The following NBEA variants were observed in gnomAD, a reference collection of about 807,000 sequenced individuals.
NBEA encodes neurobeachin.
Under a neutral mutation model 343.4 loss-of-function variants are expected in NBEA, and 44 were observed. The observed-to-expected ratio is 0.13, with a 90% CI of 0.10 to 0.16. The LOEUF is 0.16. Ranked by LOEUF, NBEA falls within the 10% of genes least tolerant of loss-of-function variation. The pLI is 1.00. For missense variants in NBEA, 2,555 were observed against 3,631.3 expected, an observed-to-expected ratio of 0.70 and a Z score of 7.62; for synonymous variants, 1,175 against 1,238.7, an observed-to-expected ratio of 0.95 and a Z score of 1.08.
chr13:35,451,259 G>A (rs2046297682), intron 39 of NBEA, among the ~76,000 whole-genome samples: 1 of 152,132 alleles, frequency 6.6e-6, no homozygotes, highest in African/African-American at 2.4e-5. Flanking sequence ...GGGTAGCTGG[G>A]ACCACAGGCT....
chr13:35,502,020 G>T (rs1239731175), intron 41 of NBEA, among the ~76,000 whole-genome samples: 1 of 152,060 alleles, frequency 6.6e-6, no homozygotes. Context: ...TAGTGCTAGG[G>T]ACTGAGCCAG....
chr13:35,200,354 T>C (rs1257534224), intron 31 of NBEA, among the ~76,000 whole-genome samples: 1 of 151,552 alleles, frequency 6.6e-6, no homozygotes, highest in East Asian at 1.9e-4. Context: ...TATATCTGCA[T>C]GCTTTTTATC....
intron 40 of NBEA, among the ~76,000 whole-genome samples, chr13:35,465,465 G>A (rs1166843754): frequency 6.6e-6 from 1 of 152,106 alleles, no homozygotes; most frequent in Non-Finnish European, 1.5e-5. Context: ...ACCTAGGGGT[G>A]CAAAGATTTA....
At chr13:35,620,286 G>A (rs896554775) in intron 48 of NBEA, among the ~76,000 whole-genome samples, 3 of 152,112 alleles carry the variant, frequency 2.0e-5, no homozygotes, top group Middle Eastern at 3.2e-3. Context: ...AAAGGAGACT[G>A]TGAGTACCTG....
chr13:35,497,476 A>G (rs758759849), intron 41 of NBEA, among the ~76,000 whole-genome samples: 34 of 152,106 alleles, frequency 2.2e-4, no homozygotes, highest in Non-Finnish European at 4.7e-4. Context: ...AGTACATTTT[A>G]GCATATTATT....
chr13:35,309,225 G>A (rs1005332238), intron 35 of NBEA, among the ~76,000 whole-genome samples: 5 of 151,822 alleles, frequency 3.3e-5, no homozygotes, highest in Non-Finnish European at 7.4e-5. Context: ...GGTCTCTTTT[G>A]GTCATTTGCT....
intron 39 of NBEA, among the ~76,000 whole-genome samples, chr13:35,448,082 G>C (rs1461279034): frequency 6.6e-6 from 1 of 152,144 alleles, no homozygotes; most frequent in Admixed American, 6.5e-5. Context: ...TTGCTGAGCT[G>C]CAAACTGATA....
intron 27 of NBEA, among the ~76,000 whole-genome samples, chr13:35,175,305 A>C (rs573832030): frequency 3.9e-5 from 6 of 152,202 alleles, no homozygotes; most frequent in Non-Finnish European, 7.3e-5. Flanking sequence ...AAGTGATAAT[A>C]GACTGACATG....
At chr13:35,131,936 A>G (rs569847973) in intron 17 of NBEA, among the ~76,000 whole-genome samples, 4 of 152,198 alleles carry the variant, frequency 2.6e-5, no homozygotes, top group Admixed American at 2.6e-4. Context: ...AAGAAATCAT[A>G]AAGAACATTA....
intron 13 of NBEA, among the ~76,000 whole-genome samples, 197 bp from the exon 14 acceptor site, chr13:35,117,217 T>G (rs2066541218): frequency 6.6e-6 from 1 of 151,898 alleles, no homozygotes; most frequent in East Asian, 1.9e-4. Flanking sequence ...ATTCAGTAAA[T>G]AATTTGAAAT....
intron 10 of NBEA, among the ~76,000 whole-genome samples, chr13:35,096,398 A>G (rs2065332076): frequency 6.6e-6 from 1 of 151,792 alleles, no homozygotes; most frequent in Non-Finnish European, 1.5e-5. Context: ...TGTTTTTGTA[A>G]TGGAACTCCA....
At chr13:35,401,919 A>G (rs1042204435) in intron 38 of NBEA, among the ~76,000 whole-genome samples, 3 of 152,002 alleles carry the variant, frequency 2.0e-5, no homozygotes, top group African/African-American at 7.2e-5. Flanking sequence ...AGAGGAAATA[A>G]TGAAATTGAT....
Position 35,347,310 on chromosome 13 carries a change from C to CA in NBEA, c.5904-1790dup, listed in dbSNP as rs530442539. Among the ~76,000 whole-genome samples, 21 of 149,926 alleles carry CA rather than the reference C, an allele frequency of 1.4e-4. 1 individual carries two copies. Among genetic ancestry groups the CA allele is most frequent in the Admixed American group, 2.7e-4 (4 of 15,066 alleles). Reference sequence around the variant, plus strand: ...TGATTTATATTTATGAAAACTTGAGCAAAAAAAAGTTGATATATTTCATTA... The same window carrying CA: ...TGATTTATATTTATGAAAACTTGAGCAAAAAAAAAGTTGATATATTTCATTA... On this transcript the variant is annotated intron_variant, in intron 36 of 58. Coordinates refer to ENST00000379939, the MANE Select transcript of NBEA (RefSeq NM_001385012.1).
At chr13:35,090,620 T>G (rs947851267) in intron 10 of NBEA, among the ~76,000 whole-genome samples, 1 of 151,902 alleles carries the variant, frequency 6.6e-6, no homozygotes, top group Non-Finnish European at 1.5e-5. Flanking sequence ...CTGGGCATAT[T>G]GAACAACTCT....
Position 35,208,693 on chromosome 13 carries a change from T to C in NBEA, c.5367-7T>C. The C allele has an allele frequency of 6.5e-7, 1 of 1,539,110 alleles. No homozygotes were observed. The highest frequency in any genetic ancestry group is 1.2e-5 in the South Asian group (1 of 80,544). The stretch of plus-strand genomic sequence containing the variant: ...TTTGTTATTTTCAATCCTTCATTTC[T>C]TTGCAGGAGTGTTGTGGTGCCTGTA... On this transcript the variant is annotated splice_polypyrimidine_tract_variant and splice_region_variant and intron_variant, in intron 31 of 58. Transcript: ENST00000379939.
chr13:35,062,297 A>T (rs796168734), intron 8 of NBEA, among the ~76,000 whole-genome samples: 31 of 151,870 alleles, frequency 2.0e-4, no homozygotes, highest in African/African-American at 7.0e-4. Context: ...ATGAACTTGA[A>T]TATAGATTGA....
At chr13:34,973,217 A>G (rs183994568) in intron 1 of NBEA, among the ~76,000 whole-genome samples, 24 of 152,080 alleles carry the variant, frequency 1.6e-4, no homozygotes, top group African/African-American at 5.5e-4. Flanking sequence ...TGGCCCAAAC[A>G]TACCTGTAGG....
chr13:35,405,261 A>G (rs1294004080), intron 38 of NBEA, among the ~76,000 whole-genome samples: 5 of 152,138 alleles, frequency 3.3e-5, no homozygotes, highest in African/African-American at 1.2e-4. Flanking sequence ...CATTATAAGA[A>G]CTGTTACATC....
In NBEA at chr13:35,157,145, T is replaced by G. The variant is rs1343350340; in HGVS notation, c.2719T>G (p.Ser907Ala). The change falls in exon 21 of 59, where the codon TCT becomes GCT. Residue 907 changes from serine (S) to alanine (A), a missense_variant. By Grantham distance (99) the Ser-to-Ala change is moderately conservative. Around this residue, in one of 21 missense-constraint regions of NBEA, gnomAD observed 360 missense variants for 519.1 expected, o/e 0.69. Coordinates refer to ENST00000379939, the MANE Select transcript of NBEA (RefSeq NM_001385012.1). ...FSLGYINPKN[S>A]EEQKITEMVY... ...TCTTGGCTATATCAATCCTAAAAAT[T>G]CTGAGGAACAGAAGATTACCGAAAT... The G allele has an allele frequency of 1.2e-6, 2 of 1,608,522 alleles. No homozygotes were observed. Among genetic ancestry groups the G allele is most frequent in the South Asian group, 2.2e-5 (2 of 89,544 alleles).
Sources: allele counts gnomAD v4.1 joint callset (sites outside exome capture counted in the v4.1 genomes callset), GRCh38; gene constraint gnomAD v4.1.1; regional missense constraint gnomAD v4.1.1; transcripts MANE v1.5; gene names NCBI Gene and HGNC (gene_info 2026-07-23, HGNC 2026-07-21).